The following MEGF10 variants were observed in gnomAD, a reference collection of about 807,000 sequenced individuals.
MEGF10 encodes the protein multiple epidermal growth factor-like domains protein 10.
Under a neutral mutation model 147.5 loss-of-function variants are expected in MEGF10, and 86 were observed. The ratio of observed to expected loss-of-function variants is 0.58; its 90% CI spans 0.49 to 0.70. The LOEUF (loss-of-function observed/expected upper bound fraction) is 0.70, where lower values mean the gene tolerates loss of function less well. MEGF10 is among the 30% of genes least tolerant of loss of function. MEGF10 has a pLI of 0.00. For missense variants in MEGF10, 1,329 were observed against 1,487.3 expected (o/e 0.89, Z 1.75); for synonymous variants, 478 against 525.5 (o/e 0.91, Z 1.24).
chr5:127,322,437 C>T (rs941411446), intron 1 of MEGF10, among the ~76,000 whole-genome samples: 1 of 152,128 alleles, frequency 6.6e-6, no homozygotes, highest in Admixed American at 6.6e-5. Context: ...TCTTAAAGAC[C>T]TTTTCTGTGG....
At chr5:127,251,032 T>C in the MEGF10 span, among the ~76,000 whole-genome samples, 1 of 152,028 alleles carries the variant, frequency 6.6e-6, no homozygotes, top group Admixed American at 6.6e-5. Context: ...TGTTGAGATA[T>C]CAGTCCTCCT....
intron 1 of MEGF10, among the ~76,000 whole-genome samples, chr5:127,330,873 G>A (rs1761228098): frequency 1.3e-5 from 2 of 152,110 alleles, no homozygotes; most frequent in Admixed American, 1.3e-4. Context: ...ATTCGATGGA[G>A]CTTCTGTTTC....
intron 12 of MEGF10, among the ~76,000 whole-genome samples, chr5:127,422,314 A>G (rs1765041745): frequency 6.6e-6 from 1 of 152,126 alleles, no homozygotes; most frequent in South Asian, 2.1e-4. Context: ...TGAGGTCAGG[A>G]GTTCGAGACC....
chr5:127,241,280 G>A, the MEGF10 span, among the ~76,000 whole-genome samples: 6 of 152,188 alleles, frequency 3.9e-5, no homozygotes, highest in Admixed American at 2.0e-4. Context: ...CAAAGGTGGA[G>A]GTTGGTTTCA....
rs1044403951 is a variant in MEGF10, at chr5:127,423,705, G to A, written c.1693+933G>A. 3.3e-5 allele frequency among the ~76,000 whole-genome samples: 5 copies of A among 152,112 alleles called. No individual in the cohort carries two copies. In the South Asian group the frequency reaches 6.2e-4, roughly 19 times the overall value. On this transcript the variant is annotated intron_variant, in intron 13 of 24. Transcript: ENST00000503335. ...TCTTCTTTATATAAATCCCTGCTCA[G>A]ACTCTTTGTTAATTTTTTAACTGGA...
chr5:127,435,220 GA>G, intron 15 of MEGF10, 140 bp from the exon 16 acceptor site: 5 of 999,210 alleles, frequency 5.0e-6, no homozygotes, highest in Non-Finnish European at 7.2e-6. Flanking sequence ...GCCCATTCAA[GA>G]TGAAGGATGC....
intron 18 of MEGF10, among the ~76,000 whole-genome samples, chr5:127,442,564 T>C (rs1765796334): frequency 1.3e-5 from 2 of 152,226 alleles, no homozygotes; most frequent in South Asian, 4.1e-4. Flanking sequence ...TTTATGAAGA[T>C]CCCTGAGCCT....
rs780074812 is a variant in MEGF10 at position 127,410,365 on chromosome 5, T to G, written c.918-24T>G. ...ACATGGCACTAACTAATCTTTCTTC[T>G]TGCTCCTGCCTCTTGCTTGGTAGGT... On this transcript the variant is annotated intron_variant, in intron 8 of 24. Coordinates refer to ENST00000503335, the MANE Select transcript of MEGF10 (RefSeq NM_001256545.2). 2.5e-6 allele frequency: 4 copies of G among 1,610,484 alleles called. No individual in the cohort carries two copies. In the South Asian group the frequency reaches 4.4e-5, roughly 18 times the overall value.
At chr5:127,367,371 G>GT in intron 4 of MEGF10, among the ~76,000 whole-genome samples, 1 of 152,118 alleles carries the variant, frequency 6.6e-6, no homozygotes, top group Admixed American at 6.5e-5. Flanking sequence ...AGCTTTTTGA[G>GT]TACCCAGAAG....
At chr5:127,361,363 C>A (rs977109911) in intron 4 of MEGF10, among the ~76,000 whole-genome samples, 2 of 151,764 alleles carry the variant, frequency 1.3e-5, no homozygotes, top group Non-Finnish European at 2.9e-5. Context: ...GATTTTATGG[C>A]GATATCACTT....
At chr5:127,455,261 A>G (rs1766314435) in intron 23 of MEGF10, 140 bp from the exon 24 acceptor site, 2 of 785,182 alleles carry the variant, frequency 2.5e-6, no homozygotes, top group Admixed American at 2.4e-5. Flanking sequence ...TCTCTCCAAA[A>G]CAAGTGGAAA....
At chr5:127,409,020 T>C (rs575436761) in intron 8 of MEGF10, among the ~76,000 whole-genome samples, 1 of 152,038 alleles carries the variant, frequency 6.6e-6, no homozygotes, top group East Asian at 1.9e-4. Context: ...GAGGTTACAG[T>C]GAGCTATGAT....
intron 9 of MEGF10, among the ~76,000 whole-genome samples, chr5:127,414,651 AG>A (rs1484953547): frequency 6.6e-6 from 1 of 152,204 alleles, no homozygotes; most frequent in Non-Finnish European, 1.5e-5. Context: ...AGGGAGAAGC[AG>A]ATTAATGTGG....
At chr5:127,399,123 A>T (rs1580816636) in intron 7 of MEGF10, among the ~76,000 whole-genome samples, 2 of 152,310 alleles carry the variant, frequency 1.3e-5, no homozygotes, top group East Asian at 3.9e-4. Context: ...TAAACACTGG[A>T]TTTATTTAAC....
intron 13 of MEGF10, among the ~76,000 whole-genome samples, chr5:127,426,392 A>T (rs1456079594): frequency 1.3e-5 from 2 of 152,252 alleles, no homozygotes; most frequent in Non-Finnish European, 2.9e-5. Flanking sequence ...TTCCAAAAAA[A>T]GTACCATTTT....
intron 7 of MEGF10, among the ~76,000 whole-genome samples, chr5:127,400,013 G>C (rs1764064700): frequency 6.6e-6 from 1 of 152,202 alleles, no homozygotes; most frequent in African/African-American, 2.4e-5. Context: ...GCCCAAGCTA[G>C]AGTCTCCACA....
the MEGF10 span, among the ~76,000 whole-genome samples, chr5:127,238,706 G>T: frequency 6.6e-6 from 1 of 152,078 alleles, no homozygotes; most frequent in Non-Finnish European, 1.5e-5. Flanking sequence ...TCTTCTAATT[G>T]CTGTAGGATA....
intron 9 of MEGF10, among the ~76,000 whole-genome samples, chr5:127,412,684 A>G (rs774835667): frequency 1.3e-5 from 2 of 152,156 alleles, no homozygotes; most frequent in Non-Finnish European, 2.9e-5. Flanking sequence ...GCATTAAAAA[A>G]CAAACAAACA....
At chr5:127,374,541 A>G (rs539734441) in intron 5 of MEGF10, among the ~76,000 whole-genome samples, 2 of 152,322 alleles carry the variant, frequency 1.3e-5, no homozygotes, top group East Asian at 1.9e-4. Flanking sequence ...TCCACCTAAT[A>G]TACAGCAATT....
Sources: gnomAD v4.1 joint callset for allele counts (sites outside exome capture counted in the v4.1 genomes callset) on GRCh38, gnomAD v4.1.1 for gene constraint, MANE v1.5 for transcripts, NCBI Gene and HGNC (gene_info 2026-07-23, HGNC 2026-07-21) for gene names.